ANKRD33B: variants seen among roughly 807,000 people sequenced by gnomAD.
ANKRD33B encodes ankyrin repeat domain 33B.
In ANKRD33B, 6 loss-of-function variants were observed where a neutral mutation model predicts 21.5. That is an observed-to-expected ratio of 0.28 (90% confidence interval 0.15 to 0.55). ANKRD33B has a LOEUF of 0.55. Among genes scored for constraint, ANKRD33B ranks in the 20% least tolerant of loss-of-function variants. ANKRD33B has a pLI of 0.94. For missense variants in ANKRD33B, 698 were observed against 747.2 expected (o/e 0.93, Z 0.77); for synonymous variants, 347 against 342.4 (o/e 1.01, Z -0.15).
At chr5:10,625,357 A>G (rs1186211110) in intron 2 of ANKRD33B, among the ~76,000 whole-genome samples, 1 of 152,242 alleles carries the variant, frequency 6.6e-6, no homozygotes, top group Non-Finnish European at 1.5e-5. Context: ...CCTTATCAGC[A>G]CTCAGGAGTC....
chr5:10,594,997 T>TG (rs1482041020), intron 1 of ANKRD33B, among the ~76,000 whole-genome samples: 2 of 152,170 alleles, frequency 1.3e-5, no homozygotes, highest in Non-Finnish European at 2.9e-5. Context: ...GGGCCAGTCC[T>TG]GGGCTTTTCC....
In ANKRD33B at chr5:10,610,840, T is replaced by A. The variant is rs545362780; in HGVS notation, c.367-7493T>A. ...TGGGTGGATCACCTGAGGTCAGGAGTTTGAGACCAGCTTGGCCAACGTGGC... is the reference window on the plus strand; with the variant it reads ...TGGGTGGATCACCTGAGGTCAGGAGATTGAGACCAGCTTGGCCAACGTGGC... On this transcript the variant is annotated intron_variant, in intron 1 of 3. Transcript: ENST00000296657. Among the ~76,000 whole-genome samples the A allele has an allele frequency of 5.3e-5, 8 of 152,126 alleles. 1 individual carries two copies. Among genetic ancestry groups the A allele is most frequent in the African/African-American group, 1.9e-4 (8 of 41,482 alleles).
At chr5:10,589,973 G>C (rs1012879299) in intron 1 of ANKRD33B, among the ~76,000 whole-genome samples, 2 of 149,400 alleles carry the variant, frequency 1.3e-5, no homozygotes, top group African/African-American at 4.9e-5. Flanking sequence ...TAATTTTCTG[G>C]GCATTTTTGA....
chr5:10,578,305 GCA>G (rs1735369302), intron 1 of ANKRD33B, among the ~76,000 whole-genome samples: 1 of 152,198 alleles, frequency 6.6e-6, no homozygotes, highest in African/African-American at 2.4e-5. Flanking sequence ...GGTTGAGGCT[GCA>G]CACAGAGTGC....
At chr5:10,584,208 T>C (rs1179532293) in intron 1 of ANKRD33B, among the ~76,000 whole-genome samples, 1 of 152,202 alleles carries the variant, frequency 6.6e-6, no homozygotes, top group Non-Finnish European at 1.5e-5. Context: ...TATGAACTAA[T>C]AACACTTCAA....
At chr5:10,611,144 T>C (rs1489754627) in intron 1 of ANKRD33B, among the ~76,000 whole-genome samples, 4 of 152,104 alleles carry the variant, frequency 2.6e-5, no homozygotes, top group Admixed American at 6.5e-5. Context: ...CTGCACCAAA[T>C]AGTGATCACC....
intron 1 of ANKRD33B, among the ~76,000 whole-genome samples, chr5:10,601,369 C>A (rs1439518708): frequency 6.6e-6 from 1 of 152,216 alleles, no homozygotes. Flanking sequence ...CGCCTTTGCA[C>A]ATGCTTGCCT....
intron 1 of ANKRD33B, among the ~76,000 whole-genome samples, chr5:10,578,560 C>T (rs56059130): frequency 0.1 from 15,924 of 152,114 alleles, 1,213 homozygotes; most frequent in African/African-American, 0.21. Context: ...GGAGATAGGA[C>T]AGCCCTTGAT....
chr5:10,649,810 G>GGGCCCCGCAGCGCC lies in ANKRD33B; in HGVS notation c.1183_1196dup (p.Arg402GlnfsTer179). ...GCCTCCCTCCCGCCCTGGGGTCCCG[G>GGGCCCCGCAGCGCC]GGCCCCGCAGCGCCCGCCCCGCGGA... is the stretch of plus-strand genomic sequence containing the variant. On this transcript the variant is annotated frameshift_variant, in exon 4 of 4. Transcript: ENST00000296657. LOFTEE classifies it high-confidence loss of function. The GGGCCCCGCAGCGCC allele has an allele frequency of 7.2e-7, 1 of 1,385,480 alleles. No homozygotes were observed. Among genetic ancestry groups the GGGCCCCGCAGCGCC allele is most frequent in the East Asian group, 3.1e-5 (1 of 31,898 alleles). The allele number at this position is 1,385,480 out of a possible 1,614,324, so 85.8% of individuals were successfully genotyped here.
intron 2 of ANKRD33B, among the ~76,000 whole-genome samples, chr5:10,618,795 C>T (rs887951843): frequency 1.3e-5 from 2 of 152,186 alleles, no homozygotes; most frequent in East Asian, 1.9e-4. Context: ...CTGGCAGACC[C>T]ACCAGTGGAA....
intron 1 of ANKRD33B, among the ~76,000 whole-genome samples, chr5:10,578,235 C>T (rs146123581): frequency 1.5e-4 from 23 of 152,260 alleles, no homozygotes; most frequent in Non-Finnish European, 2.8e-4. Flanking sequence ...CTGGGAAACC[C>T]CTCTGTCCCC....
At chr5:10,572,793 TC>T (rs1357040864) in intron 1 of ANKRD33B, among the ~76,000 whole-genome samples, 1 of 152,198 alleles carries the variant, frequency 6.6e-6, no homozygotes, top group African/African-American at 2.4e-5. Flanking sequence ...ACCTGCTTCT[TC>T]CTGGGCCTCC....
intron 3 of ANKRD33B, among the ~76,000 whole-genome samples, chr5:10,640,893 G>A (rs1324234823): frequency 1.3e-5 from 2 of 152,226 alleles, no homozygotes; most frequent in African/African-American, 2.4e-5. Context: ...CTCCTCTCAT[G>A]GCAGAGGGGA....
At chr5:10,647,703 G>A (rs1023787204) in intron 3 of ANKRD33B, among the ~76,000 whole-genome samples, 1 of 152,164 alleles carries the variant, frequency 6.6e-6, no homozygotes. Context: ...TGGTGAGTCT[G>A]AAACTGGTGC....
chr5:10,581,975 A>G (rs1195465155), intron 1 of ANKRD33B, among the ~76,000 whole-genome samples: 2 of 152,186 alleles, frequency 1.3e-5, no homozygotes, highest in Non-Finnish European at 2.9e-5. Flanking sequence ...CCATAGGAAC[A>G]TTGTCTGCTG....
intron 1 of ANKRD33B, among the ~76,000 whole-genome samples, chr5:10,572,938 A>G (rs191395201): frequency 3.3e-5 from 5 of 152,282 alleles, no homozygotes; most frequent in African/African-American, 1.2e-4. Flanking sequence ...TCAGATGCCT[A>G]CTTCTGATCT....
At chr5:10,612,848 A>G (rs925790754) in intron 1 of ANKRD33B, among the ~76,000 whole-genome samples, 1 of 152,256 alleles carries the variant, frequency 6.6e-6, no homozygotes, top group Non-Finnish European at 1.5e-5. Context: ...GCAGGGGCTC[A>G]TGGCAGCCTT....
chr5:10,626,825 C>T (rs1008110844), intron 2 of ANKRD33B, among the ~76,000 whole-genome samples: 6 of 152,226 alleles, frequency 3.9e-5, no homozygotes, highest in Non-Finnish European at 7.3e-5. Context: ...ACCAGGGTTG[C>T]GTCACAAGCC....
intron 1 of ANKRD33B, among the ~76,000 whole-genome samples, chr5:10,583,655 G>A (rs1164799542): frequency 2.6e-5 from 4 of 152,190 alleles, no homozygotes; most frequent in Admixed American, 6.5e-5. Flanking sequence ...TATTTGGCAC[G>A]CCTCGCTGCT....
Sources: gnomAD v4.1 joint callset for allele counts (sites outside exome capture counted in the v4.1 genomes callset) on GRCh38, gnomAD v4.1.1 for gene constraint, MANE v1.5 for transcripts, NCBI Gene and HGNC (gene_info 2026-07-23, HGNC 2026-07-21) for gene names.